CBLB: variants seen among roughly 807,000 people sequenced by gnomAD.
CBLB encodes the protein E3 ubiquitin-protein ligase CBL-B.
Under a neutral mutation model 104.9 loss-of-function variants are expected in CBLB, and 31 were observed. That is an observed-to-expected ratio of 0.30 (90% CI 0.22 to 0.40). The LOEUF is 0.40. Ranked by LOEUF, CBLB falls within the 10% of genes least tolerant of loss-of-function variation. CBLB has a pLI of 1.00. For missense variants in CBLB, 1,062 were observed against 1,214.6 expected, an observed-to-expected ratio of 0.87 and a Z score of 1.87; for synonymous variants, 440 against 422.6, an observed-to-expected ratio of 1.04 and a Z score of -0.51.
chr3:105,844,105 T>C (rs2089928514), intron 3 of CBLB, among the ~76,000 whole-genome samples: 3 of 152,280 alleles, frequency 2.0e-5, no homozygotes, highest in African/African-American at 7.2e-5. Context: ...CAGAGAACAC[T>C]GTGTGATGAC....
At chr3:105,714,720 G>A (rs905612265) in intron 10 of CBLB, among the ~76,000 whole-genome samples, 3 of 152,132 alleles carry the variant, frequency 2.0e-5, no homozygotes, top group Admixed American at 6.5e-5. Flanking sequence ...TCACAGACTG[G>A]TACTGGTCCA....
intron 2 of CBLB, among the ~76,000 whole-genome samples, chr3:105,866,192 C>T (rs2092417623): frequency 6.6e-6 from 1 of 152,138 alleles, no homozygotes; most frequent in Non-Finnish European, 1.5e-5. Context: ...CATTTAGCAC[C>T]ATTGCCTGTA....
intron 1 of CBLB, chr3:105,868,465 C>G (rs977944852): frequency 2.8e-6 from 1 of 356,822 alleles, no homozygotes; most frequent in African/African-American, 2.1e-5. Context: ...GTCTAGGGCG[C>G]GGGAGGGACA....
At chr3:105,862,638 G>C (rs924262702) in intron 2 of CBLB, among the ~76,000 whole-genome samples, 1 of 152,126 alleles carries the variant, frequency 6.6e-6, no homozygotes, top group Non-Finnish European at 1.5e-5. Context: ...AGTCAAGTAA[G>C]TATTCTATCA....
intron 2 of CBLB, 111 bp from the exon 3 acceptor site, chr3:105,853,775 A>T: frequency 1.4e-6 from 1 of 735,790 alleles, no homozygotes; most frequent in Non-Finnish European, 2.2e-6. Flanking sequence ...ATAAATAATG[A>T]TCTTAACTTA....
intron 13 of CBLB, among the ~76,000 whole-genome samples, chr3:105,690,145 G>C (rs569778113): frequency 1.1e-4 from 16 of 152,294 alleles, no homozygotes; most frequent in African/African-American, 3.6e-4. Flanking sequence ...TAAGGTAAAT[G>C]TTAGCTTTGA....
chr3:105,857,445 A>G (rs755401447), intron 2 of CBLB, among the ~76,000 whole-genome samples: 3 of 152,214 alleles, frequency 2.0e-5, no homozygotes, highest in Non-Finnish European at 4.4e-5. Flanking sequence ...AATTAACTTA[A>G]GAGCAATGTA....
intron 9 of CBLB, among the ~76,000 whole-genome samples, chr3:105,724,537 A>G (rs915599566): frequency 7.9e-5 from 12 of 152,308 alleles, no homozygotes; most frequent in Non-Finnish European, 1.6e-4. Context: ...AATTAGTTTA[A>G]AGCTTTATAA....
At chr3:105,749,997 A>C (rs2076447799) in intron 5 of CBLB, among the ~76,000 whole-genome samples, 1 of 151,646 alleles carries the variant, frequency 6.6e-6, no homozygotes, top group Non-Finnish European at 1.5e-5. Context: ...CTGTAATTGT[A>C]ATGAAGTGAA....
At chr3:105,788,910 G>C (rs976688387) in intron 3 of CBLB, among the ~76,000 whole-genome samples, 1 of 152,148 alleles carries the variant, frequency 6.6e-6, no homozygotes, top group Admixed American at 6.5e-5. Flanking sequence ...GCCATGTTCT[G>C]AGGAAGTCCA....
Position 105,702,277 on chromosome 3 carries a change from T to G in CBLB, c.1776A>C (p.Ala592=), listed in dbSNP as rs775797936. The change falls in exon 12 of 19, where the codon GCA becomes GCC. Residue 592 remains alanine (A), a synonymous_variant. Transcript: ENST00000394030. ...TCCCAAACACATCCCGAGGGCACCA[T>G]GCTTCAAGAGGCATTGGCGGGTCTC... ...PSRDPPMPLE[A]WCPRDVFGTN... 2 of 1,613,988 alleles carry G rather than the reference T, an allele frequency of 1.2e-6. No homozygotes were observed. Among genetic ancestry groups the G allele is most frequent in the South Asian group, 2.2e-5 (2 of 91,080 alleles).
intron 13 of CBLB, among the ~76,000 whole-genome samples, chr3:105,687,863 T>A (rs1424406574): frequency 6.6e-6 from 1 of 151,704 alleles, no homozygotes; most frequent in Non-Finnish European, 1.5e-5. Flanking sequence ...AAGAGGATGG[T>A]ACAAATGAGA....
chr3:105,696,012 T>A (rs547557441), intron 12 of CBLB, among the ~76,000 whole-genome samples: 108 of 151,574 alleles, frequency 7.1e-4, no homozygotes, highest in African/African-American at 2.5e-3. Flanking sequence ...TGAAATACTC[T>A]CAGCAAATAT....
chr3:105,765,442 C>T (rs1196067600), intron 4 of CBLB, among the ~76,000 whole-genome samples: 2 of 152,128 alleles, frequency 1.3e-5, no homozygotes, highest in Non-Finnish European at 2.9e-5. Context: ...TGGGTCCTTA[C>T]CAGACAATTT....
intron 9 of CBLB, among the ~76,000 whole-genome samples, chr3:105,733,107 C>T (rs996605952): frequency 1.3e-5 from 2 of 152,124 alleles, no homozygotes; most frequent in South Asian, 2.1e-4. Context: ...CCTGTAATCC[C>T]AGCACTTTGG....
Position 105,868,983 on chromosome 3 carries a change from C to G in CBLB, c.-262G>C. 1.9e-6 allele frequency: 2 copies of G among 1,044,954 alleles called. No individual in the cohort carries two copies. Among genetic ancestry groups the G allele is most frequent in the Non-Finnish European group, 2.3e-6 (2 of 867,686 alleles). The allele number at this position is 1,044,954 out of a possible 1,614,324, so 64.7% of individuals were successfully genotyped here. A position where few individuals can be genotyped will look rare whatever the true frequency, so the allele number is the denominator to read the frequency against. On this transcript the variant is annotated 5_prime_UTR_variant, in exon 1 of 19. Coordinates refer to ENST00000394030, the MANE Select transcript of CBLB (RefSeq NM_170662.5). ...GAGGCCGCGGGACGCCGCAGCAGCA[C>G]TAGCAGGAGGAGGAGACCGCTCGCT...
At chr3:105,741,666 A>T in intron 6 of CBLB, among the ~76,000 whole-genome samples, 1 of 152,118 alleles carries the variant, frequency 6.6e-6, no homozygotes, top group East Asian at 1.9e-4. Context: ...AAGTGCTGGG[A>T]TTACAGGCAT....
chr3:105,750,685 A>G (rs1175645210), intron 5 of CBLB, among the ~76,000 whole-genome samples: 1 of 152,218 alleles, frequency 6.6e-6, no homozygotes, highest in African/African-American at 2.4e-5. Flanking sequence ...CCATTAAGGC[A>G]CGCAAAAGAA....
chr3:105,681,686 A>C, intron 15 of CBLB, 38 bp downstream of exon 15: 1 of 1,599,482 alleles, frequency 6.3e-7, no homozygotes, highest in South Asian at 1.1e-5. Context: ...CTGACCATTA[A>C]GATGTACATC....
Sources: allele counts gnomAD v4.1 joint callset (sites outside exome capture counted in the v4.1 genomes callset), GRCh38; gene constraint gnomAD v4.1.1; transcripts MANE v1.5; gene names NCBI Gene and HGNC (gene_info 2026-07-23, HGNC 2026-07-21).